TRPC3: variants seen among roughly 807,000 people sequenced by gnomAD.
The protein encoded by TRPC3 is transient receptor potential cation channel subfamily C member 3.
TRPC3 carries 54 observed loss-of-function variants against 90.9 expected under a neutral mutation model. The ratio of observed to expected loss-of-function variants is 0.59; its 90% CI spans 0.48 to 0.75. The LOEUF is 0.75. TRPC3 is among the 30% of genes least tolerant of loss of function. The pLI is 0.00. For synonymous variants in TRPC3, 424 were observed against 450.9 expected (o/e 0.94, Z 0.75); for missense variants, 918 against 1,194.5 (o/e 0.77, Z 3.41).
chr4:121,912,517 A>G (rs1331545416), intron 4 of TRPC3, among the ~76,000 whole-genome samples: 7 of 152,202 alleles, frequency 4.6e-5, no homozygotes, highest in African/African-American at 9.7e-5. Flanking sequence ...ATAGACTCAT[A>G]TAAGACCTTA....
intron 7 of TRPC3, 114 bp downstream of exon 7, chr4:121,907,189 A>T: frequency 9.7e-7 from 1 of 1,027,808 alleles, no homozygotes; most frequent in Non-Finnish European, 1.4e-6. Context: ...TTGATGGATT[A>T]TTTTCTGTGC....
In TRPC3 at chr4:121,877,258, T is replaced by C. The variant is rs35495505; in HGVS notation, c.*2478A>G. Among the ~76,000 whole-genome samples, 45,514 of 152,004 alleles carry C rather than the reference T, an allele frequency of 0.3. 8,319 individuals are homozygous for C. Among genetic ancestry groups the C allele is most frequent in the East Asian group, 0.44 (2,262 of 5,156 alleles). ...AATAAGATTTGGATGTGGTGACTCA[T>C]TAAGGGGATGCTCTCTGGAGAAAGG... is the stretch of plus-strand genomic sequence containing the variant. On this transcript the variant is annotated 3_prime_UTR_variant, in exon 12 of 12. Transcript: ENST00000379645.
chr4:121,891,031 A>G (rs966529509), intron 10 of TRPC3, among the ~76,000 whole-genome samples: 1 of 152,148 alleles, frequency 6.6e-6, no homozygotes, highest in East Asian at 1.9e-4. Flanking sequence ...TATGCCAGGA[A>G]AAATTGATAC....
chr4:121,894,541 A>G (rs1239962024), intron 10 of TRPC3, among the ~76,000 whole-genome samples: 3 of 149,086 alleles, frequency 2.0e-5, no homozygotes, highest in East Asian at 2.0e-4. Context: ...CAACAGCTGG[A>G]AAGTACACAT....
intron 10 of TRPC3, among the ~76,000 whole-genome samples, chr4:121,896,759 C>T (rs1467652798): frequency 6.6e-6 from 1 of 152,060 alleles, no homozygotes; most frequent in Non-Finnish European, 1.5e-5. Flanking sequence ...TATCAAAATA[C>T]CAATGACATT....
rs1730747844 is a variant in TRPC3 at position 121,951,447 on chromosome 4, G to C, written c.215+19C>G. ...CACCGCCCTCCGAGGCGCGGGCCGC[G>C]GCCGGGCCCGGTACTCACAGGTCCG... On this transcript the variant is annotated intron_variant, in intron 1 of 11. Coordinates refer to ENST00000379645, the MANE Select transcript of TRPC3 (RefSeq NM_001130698.2). The surrounding 1 kb of genome is among the most constrained non-coding windows in gnomAD (Gnocchi z 4.4). 8.3e-7 allele frequency: 1 copy of C among 1,198,200 alleles called. No homozygotes were observed. The highest frequency in any genetic ancestry group is 1.6e-5 in the African/African-American group (1 of 62,748). The allele number at this position is 1,198,200 out of a possible 1,614,324, so 74.2% of individuals were successfully genotyped here. A position where few individuals can be genotyped will look rare whatever the true frequency, so the allele number is the denominator to read the frequency against.
At chr4:121,910,505 T>C (rs1267018577) in intron 5 of TRPC3, 118 bp from the exon 6 acceptor site, 1 of 756,918 alleles carries the variant, frequency 1.3e-6, no homozygotes, top group Non-Finnish European at 2.2e-6. Context: ...GTACTAGGCA[T>C]CACAAAGCAT....
rs941939369 is a variant in TRPC3, at chr4:121,951,741, A to C, written c.-61T>G. On this transcript the variant is annotated 5_prime_UTR_variant, in exon 1 of 12. Coordinates refer to ENST00000379645, the MANE Select transcript of TRPC3 (RefSeq NM_001130698.2). The surrounding 1 kb of genome is among the most constrained non-coding windows in gnomAD (Gnocchi z 4.4). ...TGCCGGCCTCCTCCGCCTTCGCGGC[A>C]GTGCAGTCTTCCCGCGGCGCCCCTT... 2 of 1,251,510 alleles carry C rather than the reference A, an allele frequency of 1.6e-6. No individual in the cohort carries two copies. Among genetic ancestry groups the C allele is most frequent in the Non-Finnish European group, 2.0e-6 (2 of 980,098 alleles). The allele number at this position is 1,251,510 out of a possible 1,614,324, so 77.5% of individuals were successfully genotyped here.
In TRPC3 at chr4:121,951,884, G is replaced by A; in HGVS notation, c.-204C>T. 2.6e-6 allele frequency: 1 copy of A among 384,666 alleles called. No homozygotes were observed. The highest frequency in any genetic ancestry group is 4.5e-6 in the Non-Finnish European group (1 of 220,514). 23.8% of individuals were successfully genotyped at this position (384,666 alleles called of 1,614,324 possible). On this transcript the variant is annotated 5_prime_UTR_variant, in exon 1 of 12. Coordinates refer to ENST00000379645, the MANE Select transcript of TRPC3 (RefSeq NM_001130698.2). This position sits in a 1 kb window ranked among gnomAD's most constrained non-coding sequence, Gnocchi z 4.4. ...CTAGCGCCGAAGCCGAGCTGCCGCC[G>A]CCCACCATCAAACCGTGGGAGCAGC...
intron 3 of TRPC3, 24 bp from the exon 4 acceptor site, chr4:121,914,968 G>C (rs201615903): frequency 6.4e-7 from 1 of 1,570,320 alleles, no homozygotes; most frequent in Non-Finnish European, 8.7e-7. Context: ...GAGAGTTTGA[G>C]AAGGGGAGAG....
chr4:121,911,203 C>T (rs901152792), intron 5 of TRPC3, among the ~76,000 whole-genome samples: 4 of 152,172 alleles, frequency 2.6e-5, no homozygotes, highest in Non-Finnish European at 4.4e-5. Flanking sequence ...AATGAGAAGA[C>T]ACCAAGACTC....
intron 7 of TRPC3, among the ~76,000 whole-genome samples, chr4:121,905,495 C>T (rs1159431257): frequency 6.6e-6 from 1 of 152,124 alleles, no homozygotes; most frequent in Non-Finnish European, 1.5e-5. Context: ...GACTAATTAC[C>T]TAAGTTCGTC....
chr4:121,936,182 T>G (rs1431221692), intron 1 of TRPC3, among the ~76,000 whole-genome samples: 3 of 152,244 alleles, frequency 2.0e-5, no homozygotes, highest in Admixed American at 6.5e-5. Context: ...CTTATAGTAC[T>G]AAGATAAATT....
chr4:121,882,414 G>C lies in TRPC3; in HGVS notation c.2563C>G (p.Leu855Val). The change falls in exon 11 of 12, where the codon CTT (leucine) becomes GTT (valine). Residue 855 changes from leucine (L) to valine (V), a missense_variant. Physicochemically the swap from Leu to Val is conservative, Grantham distance 32 (BLOSUM62 1). Transcript: ENST00000379645. ...GCTTTCAAAACATACCGCTTTATAA[G>C]TCTTTTCATTATCTGCTGTTGGGCA... ...PTRYQQIMKR[L>V]IKRYVLKAQV... 1 of 1,609,856 alleles carries C rather than the reference G, an allele frequency of 6.2e-7. No homozygotes were observed. The highest frequency in any genetic ancestry group is 8.5e-7 in the Non-Finnish European group (1 of 1,178,364).
chr4:121,941,232 AC>A (rs1390762097), intron 1 of TRPC3, among the ~76,000 whole-genome samples: 1 of 152,214 alleles, frequency 6.6e-6, no homozygotes, highest in Admixed American at 6.5e-5. Context: ...GAGCATTATT[AC>A]GGAAGTCACC....
intron 8 of TRPC3, 40 bp from the exon 9 acceptor site, chr4:121,903,101 C>A (rs1728759725): frequency 6.5e-7 from 1 of 1,535,570 alleles, no homozygotes; most frequent in Non-Finnish European, 8.8e-7. Flanking sequence ...ATTTTAAATG[C>A]TAAATATTCT....
chr4:121,905,061 G>A (rs1728833479), intron 7 of TRPC3, among the ~76,000 whole-genome samples: 1 of 151,956 alleles, frequency 6.6e-6, no homozygotes, highest in South Asian at 2.1e-4. Flanking sequence ...AGTCACTGTA[G>A]GAAAATGAGA....
chr4:121,913,666 C>A (rs1203519913), intron 4 of TRPC3, among the ~76,000 whole-genome samples: 1 of 139,192 alleles, frequency 7.2e-6, no homozygotes, highest in Non-Finnish European at 1.6e-5. Flanking sequence ...ATTGCATGCT[C>A]TCTCATATTA....
At position 121,951,640 on chromosome 4, in the gene TRPC3, A is replaced by G; in HGVS notation, c.41T>C (p.Val14Ala). Residue 14 changes from valine to alanine, a missense_variant, in exon 1 of 12, where the codon GTG (valine) becomes GCG (alanine). Val to Ala is a moderately conservative substitution (Grantham distance 64, BLOSUM62 0). Coordinates refer to ENST00000379645, the MANE Select transcript of TRPC3 (RefSeq NM_001130698.2). The surrounding 1 kb of genome is among the most constrained non-coding windows in gnomAD (Gnocchi z 4.4). ...CTCCTCCTCCGGCGCCGGGAAGGTCACCCTTGCTTGTTCTTTGCACTTCCT... is the reference window on the plus strand; with the variant it reads ...CTCCTCCTCCGGCGCCGGGAAGGTCGCCCTTGCTTGTTCTTTGCACTTCCT... ...KVRKCKEQAR[V>A]TFPAPEEEED... 1 of 1,414,734 alleles carries G rather than the reference A, an allele frequency of 7.1e-7. No individual in the cohort carries two copies. Among genetic ancestry groups the G allele is most frequent in the Middle Eastern group, 1.9e-4 (1 of 5,194 alleles). 87.6% of individuals were successfully genotyped at this position (1,414,734 alleles called of 1,614,324 possible).
Sources: allele counts gnomAD v4.1 joint callset (sites outside exome capture counted in the v4.1 genomes callset), GRCh38; gene constraint gnomAD v4.1.1; non-coding constraint Gnocchi (gnomAD v3.1); transcripts MANE v1.5; gene names NCBI Gene and HGNC (gene_info 2026-07-23, HGNC 2026-07-21).